Variants in WASF3 observed in about 807,000 individuals in gnomAD.
WASF3 encodes actin-binding protein WASF3.
A neutral mutation model predicts 46.6 loss-of-function variants in WASF3; 11 were observed. That is an observed-to-expected ratio of 0.24 (90% confidence interval 0.15 to 0.39). WASF3 has a LOEUF of 0.39. Ranked by LOEUF, WASF3 falls within the 10% of genes least tolerant of loss-of-function variation. WASF3 has a pLI of 1.00. For synonymous variants in WASF3, 242 were observed against 259.7 expected (o/e 0.93, Z 0.65); for missense variants, 576 against 669.8 (o/e 0.86, Z 1.55).
At chr13:26,602,137 G>A (rs1018172689) in intron 1 of WASF3, among the ~76,000 whole-genome samples, 4 of 152,154 alleles carry the variant, frequency 2.6e-5, no homozygotes, top group Non-Finnish European at 5.9e-5. Flanking sequence ...ACTCTTCCAA[G>A]GTCCAGAGCT....
At chr13:26,676,409 T>G in intron 6 of WASF3, 140 bp from the exon 7 acceptor site, 2 of 876,860 alleles carry the variant, frequency 2.3e-6, no homozygotes, top group African/African-American at 3.4e-5. Flanking sequence ...TTAGAGTTTC[T>G]GTAACATTAG....
chr13:26,545,829 C>T, the WASF3 span, among the ~76,000 whole-genome samples: 2 of 152,284 alleles, frequency 1.3e-5, no homozygotes, highest in East Asian at 3.9e-4. Flanking sequence ...GTCTCAAATT[C>T]CTGACCCCAA....
chr13:26,559,976 C>A (rs374772321), intron 1 of WASF3, among the ~76,000 whole-genome samples: 1 of 151,546 alleles, frequency 6.6e-6, no homozygotes, highest in Non-Finnish European at 1.5e-5. Context: ...CGCCACCATG[C>A]CCGGCTAATT....
At chr13:26,647,084 T>C (rs186227713) in intron 3 of WASF3, among the ~76,000 whole-genome samples, 1 of 152,216 alleles carries the variant, frequency 6.6e-6, no homozygotes, top group Non-Finnish European at 1.5e-5. Context: ...AGAAATTTTG[T>C]CACCGTTAAA....
intron 3 of WASF3, among the ~76,000 whole-genome samples, chr13:26,646,600 G>C (rs902270553): frequency 1.3e-5 from 2 of 152,134 alleles, no homozygotes; most frequent in African/African-American, 4.8e-5. Flanking sequence ...GATTGGGATA[G>C]ATGATGTTTA....
intron 7 of WASF3, among the ~76,000 whole-genome samples, chr13:26,678,915 A>G (rs901064351): frequency 2.6e-5 from 4 of 151,848 alleles, no homozygotes; most frequent in Non-Finnish European, 4.4e-5. Context: ...TGCTGTGCCT[A>G]CTTCCTCCCG....
chr13:26,617,262 A>G (rs1196558740), intron 2 of WASF3, among the ~76,000 whole-genome samples: 1 of 149,344 alleles, frequency 6.7e-6, no homozygotes, highest in African/African-American at 2.6e-5. Context: ...TGTCATTTTT[A>G]GTGTTTTTTT....
chr13:26,550,899 T>C, the WASF3 span, among the ~76,000 whole-genome samples: 1 of 152,182 alleles, frequency 6.6e-6, no homozygotes, highest in African/African-American at 2.4e-5. Flanking sequence ...TGGGGACACC[T>C]TCAATCTTCC....
At chr13:26,627,634 T>C (rs1881508649) in intron 2 of WASF3, among the ~76,000 whole-genome samples, 2 of 152,170 alleles carry the variant, frequency 1.3e-5, no homozygotes, top group African/African-American at 2.4e-5. Context: ...CTAAGAATTC[T>C]TAAGAGAATC....
intron 2 of WASF3, among the ~76,000 whole-genome samples, chr13:26,627,202 G>C (rs748066465): frequency 1.4e-4 from 22 of 151,896 alleles, no homozygotes; most frequent in Non-Finnish European, 3.1e-4. Context: ...GAGGACAAAT[G>C]TTAGTATCTT....
At chr13:26,580,728 C>T (rs1467033898) in intron 1 of WASF3, among the ~76,000 whole-genome samples, 5 of 151,224 alleles carry the variant, frequency 3.3e-5, no homozygotes, top group South Asian at 2.1e-4. Flanking sequence ...CGGGTTCAAG[C>T]GATTCTTCTG....
intron 1 of WASF3, among the ~76,000 whole-genome samples, chr13:26,581,119 A>T (rs1593378208): frequency 6.6e-6 from 1 of 151,718 alleles, no homozygotes; most frequent in African/African-American, 2.4e-5. Flanking sequence ...TTTAGAAGAG[A>T]TGGGGTTTTG....
intron 1 of WASF3, among the ~76,000 whole-genome samples, chr13:26,575,035 A>G (rs866156987): frequency 3.3e-5 from 5 of 151,974 alleles, no homozygotes; most frequent in Non-Finnish European, 5.9e-5. Flanking sequence ...ACGGGGTTAC[A>G]CTGTGTTAGC....
chr13:26,554,092 C>CTTCCTTCTTTCT (rs1419111370), upstream of WASF3, among the ~76,000 whole-genome samples: 1 of 23,262 alleles, frequency 4.3e-5, no homozygotes, highest in Non-Finnish European at 8.3e-5. Context: ...TCCTTCCTTC[C>CTTCCTTCTTTCT]TTCCTTCTTT....
chr13:26,624,966 C>T (rs1025620151), intron 2 of WASF3, among the ~76,000 whole-genome samples: 1 of 151,948 alleles, frequency 6.6e-6, no homozygotes, highest in Non-Finnish European at 1.5e-5. Flanking sequence ...AATTTATTGC[C>T]ACAGATCTGC....
At chr13:26,579,244 C>A (rs1450342505) in intron 1 of WASF3, among the ~76,000 whole-genome samples, 1 of 151,624 alleles carries the variant, frequency 6.6e-6, no homozygotes, top group African/African-American at 2.4e-5. Context: ...TCAAGTGGTC[C>A]TCTTGCCTTA....
At chr13:26,635,355 C>T (rs940700109) in intron 2 of WASF3, among the ~76,000 whole-genome samples, 1 of 152,174 alleles carries the variant, frequency 6.6e-6, no homozygotes, top group Non-Finnish European at 1.5e-5. Flanking sequence ...TTAAGTTCTT[C>T]TATACATTGT....
At chr13:26,658,822 G>C (rs540742624) in intron 3 of WASF3, among the ~76,000 whole-genome samples, 3 of 152,280 alleles carry the variant, frequency 2.0e-5, no homozygotes, top group Middle Eastern at 3.4e-3. Context: ...GAGCACAGAG[G>C]GGGTCAAATG....
chr13:26,650,298 A>G (rs1458525682), intron 3 of WASF3, among the ~76,000 whole-genome samples: 1 of 152,144 alleles, frequency 6.6e-6, no homozygotes, highest in African/African-American at 2.4e-5. Context: ...ATAGGACTGT[A>G]TAACACTCCC....
Sources: gnomAD v4.1 joint callset for allele counts (sites outside exome capture counted in the v4.1 genomes callset) on GRCh38, gnomAD v4.1.1 for gene constraint, MANE v1.5 for transcripts, NCBI Gene and HGNC (gene_info 2026-07-23, HGNC 2026-07-21) for gene names.